KCNH1: variants seen among roughly 807,000 people sequenced by gnomAD.
KCNH1 encodes voltage-gated delayed rectifier potassium channel KCNH1.
KCNH1 carries 27 observed loss-of-function variants against 69.2 expected under a neutral mutation model. The ratio of observed to expected loss-of-function variants is 0.39; its 90% confidence interval spans 0.29 to 0.54. KCNH1 has a LOEUF of 0.54. KCNH1 is among the 20% of genes least tolerant of loss of function. The pLI is 0.68. For synonymous variants in KCNH1, 456 were observed against 487.7 expected, an observed-to-expected ratio of 0.93 and a Z score of 0.86; for missense variants, 798 against 1,261.6, an observed-to-expected ratio of 0.63 and a Z score of 5.57.
intron 6 of KCNH1, among the ~76,000 whole-genome samples, chr1:211,004,732 G>T (rs1176194932): frequency 6.6e-6 from 1 of 152,146 alleles, no homozygotes; most frequent in African/African-American, 2.4e-5. Flanking sequence ...TAAAAAATAG[G>T]CTTCTTAGAA....
At chr1:211,099,069 T>A (rs1004699208) in intron 3 of KCNH1, among the ~76,000 whole-genome samples, 3 of 152,180 alleles carry the variant, frequency 2.0e-5, no homozygotes, top group Non-Finnish European at 4.4e-5. Flanking sequence ...ATAATGAAAA[T>A]TGAGCCTCAT....
intron 7 of KCNH1, among the ~76,000 whole-genome samples, chr1:210,808,033 C>T (rs1426255419): frequency 6.6e-6 from 1 of 152,170 alleles, no homozygotes; most frequent in Non-Finnish European, 1.5e-5. Flanking sequence ...TCATAGATAG[C>T]CTCATAACAA....
intron 10 of KCNH1, among the ~76,000 whole-genome samples, chr1:210,692,398 C>A (rs549128368): frequency 6.6e-6 from 1 of 152,164 alleles, no homozygotes. Flanking sequence ...GGTTGCTACT[C>A]AGGGAAGAGA....
At chr1:210,993,869 G>A (rs565033022) in intron 6 of KCNH1, among the ~76,000 whole-genome samples, 114 of 151,988 alleles carry the variant, frequency 7.5e-4, no homozygotes, top group African/African-American at 2.5e-3. Flanking sequence ...TCCTGACAAA[G>A]TCACCAACCT....
At position 211,099,617 on chromosome 1, in the gene KCNH1, G is replaced by A. The variant is rs1401329058; in HGVS notation, c.310+3879C>T. On this transcript the variant is annotated intron_variant, in intron 3 of 10. Coordinates refer to ENST00000271751, the MANE Select transcript of KCNH1 (RefSeq NM_172362.3). ...CTCCTGCTCACTCCCTGGCTCTGAC[G>A]CCCTCACTTTGCATCACATGTTGTT... Among the ~76,000 whole-genome samples, 5 of 151,524 alleles carry A rather than the reference G, an allele frequency of 3.3e-5. No homozygotes were observed. The East Asian group carries it at 7.8e-4, about 24-fold the overall frequency.
intron 7 of KCNH1, among the ~76,000 whole-genome samples, chr1:210,891,356 C>A (rs896308327): frequency 6.6e-6 from 1 of 152,040 alleles, no homozygotes; most frequent in Admixed American, 6.5e-5. Context: ...CACTTGGACA[C>A]AGGGTGAGGA....
intron 10 of KCNH1, among the ~76,000 whole-genome samples, chr1:210,724,698 T>C (rs182348167): frequency 1.3e-5 from 2 of 152,282 alleles, no homozygotes; most frequent in Admixed American, 1.3e-4. Context: ...GAGGGTTCAG[T>C]TGTAGTTTGA....
intron 5 of KCNH1, among the ~76,000 whole-genome samples, chr1:211,037,700 A>G (rs1370439000): frequency 2.0e-5 from 3 of 152,046 alleles, no homozygotes; most frequent in Admixed American, 1.3e-4. Context: ...GTCTCTCTTA[A>G]GAGTACCTAC....
At chr1:210,913,177 G>A (rs1687269142) in intron 7 of KCNH1, among the ~76,000 whole-genome samples, 1 of 152,052 alleles carries the variant, frequency 6.6e-6, no homozygotes, top group African/African-American at 2.4e-5. Flanking sequence ...TAAAAAACCA[G>A]GTTATAGAGA....
At chr1:211,067,268 C>A (rs1414645206) in intron 5 of KCNH1, among the ~76,000 whole-genome samples, 1 of 152,212 alleles carries the variant, frequency 6.6e-6, no homozygotes, top group Admixed American at 6.5e-5. Flanking sequence ...TCCCTCAGAT[C>A]CCCTTTTAAG....
intron 7 of KCNH1, among the ~76,000 whole-genome samples, chr1:210,899,832 G>C (rs185687388): frequency 6.6e-6 from 1 of 152,322 alleles, no homozygotes; most frequent in Non-Finnish European, 1.5e-5. Flanking sequence ...TAGCTAAGCA[G>C]AACAGAATTC....
chr1:211,060,729 T>C (rs1279418477), intron 5 of KCNH1, among the ~76,000 whole-genome samples: 1 of 152,122 alleles, frequency 6.6e-6, no homozygotes, highest in Non-Finnish European at 1.5e-5. Context: ...GGTAAATTCC[T>C]AGACATATAC....
At chr1:210,853,427 G>A (rs1356604253) in intron 7 of KCNH1, among the ~76,000 whole-genome samples, 1 of 152,188 alleles carries the variant, frequency 6.6e-6, no homozygotes, top group African/African-American at 2.4e-5. Context: ...GATAAACAGA[G>A]AGAGCTGGAG....
chr1:210,895,663 G>A (rs1257589438), intron 7 of KCNH1, among the ~76,000 whole-genome samples: 1 of 152,050 alleles, frequency 6.6e-6, no homozygotes, highest in Admixed American at 6.6e-5. Flanking sequence ...ACCAACAGGG[G>A]TCTACAGACA....
At position 210,732,308 on chromosome 1, in the gene KCNH1, G is replaced by A. The variant is rs182194519; in HGVS notation, c.2112+43040C>T. Among the ~76,000 whole-genome samples, 236 of 152,060 alleles carry A rather than the reference G, an allele frequency of 1.6e-3. 1 individual carries two copies. Among genetic ancestry groups the A allele is most frequent in the African/African-American group, 5.2e-3 (216 of 41,486 alleles). ...CACATTCAGAAAGTAAGTGGCCCAC[G>A]GTGAGATCATGAGCAAAAGGCTGGT... On this transcript the variant is annotated intron_variant, in intron 10 of 10. Transcript: ENST00000271751.
At chr1:211,120,706 C>T (rs1691669621) in intron 1 of KCNH1, among the ~76,000 whole-genome samples, 2 of 152,038 alleles carry the variant, frequency 1.3e-5, no homozygotes, top group South Asian at 2.1e-4. Context: ...GTTGGCTTTA[C>T]ATTTGTCTAC....
intron 10 of KCNH1, among the ~76,000 whole-genome samples, chr1:210,754,211 A>G (rs1259408371): frequency 6.6e-6 from 1 of 152,010 alleles, no homozygotes; most frequent in Non-Finnish European, 1.5e-5. Context: ...GAGCCACCGC[A>G]TCCGGCCCAG....
chr1:210,849,295 G>C (rs1685630459), intron 7 of KCNH1, among the ~76,000 whole-genome samples: 1 of 151,628 alleles, frequency 6.6e-6, no homozygotes. Context: ...ATTTGAATTA[G>C]AATAGAGTTT....
At chr1:210,971,022 G>A (rs948484140) in intron 6 of KCNH1, among the ~76,000 whole-genome samples, 9 of 152,052 alleles carry the variant, frequency 5.9e-5, no homozygotes, top group Non-Finnish European at 1.3e-4. Context: ...ACATTTATGC[G>A]GCCAATAAAC....
Sources: allele counts gnomAD v4.1 joint callset (sites outside exome capture counted in the v4.1 genomes callset), GRCh38; gene constraint gnomAD v4.1.1; transcripts MANE v1.5; gene names NCBI Gene and HGNC (gene_info 2026-07-23, HGNC 2026-07-21).